VGLL4: variants seen among roughly 807,000 people sequenced by gnomAD.
VGLL4 encodes transcription cofactor vestigial-like protein 4.
Under a neutral mutation model 21.0 loss-of-function variants are expected in VGLL4, and 7 were observed. The ratio of observed to expected loss-of-function variants is 0.33; its 90% CI spans 0.19 to 0.63. VGLL4 has a LOEUF of 0.63. Ranked by LOEUF, VGLL4 falls within the 20% of genes least tolerant of loss-of-function variation. The probability of loss-of-function intolerance (pLI) is 0.78; values close to 1 mark genes in which losing one functional copy is unlikely to be tolerated. For synonymous variants in VGLL4, 222 were observed against 173.2 expected (o/e 1.28, Z -2.21); for missense variants, 394 against 425.7 (o/e 0.93, Z 0.66).
At chr3:11,582,402 T>C (rs970849952) in intron 2 of VGLL4, 3 of 1,546,012 alleles carry the variant, frequency 1.9e-6, no homozygotes, top group Non-Finnish European at 2.6e-6. Flanking sequence ...GGGCGGGCGC[T>C]TGTCAGAATA....
At chr3:11,616,155 C>G (rs2075158645) in intron 1 of VGLL4, among the ~76,000 whole-genome samples, 1 of 152,140 alleles carries the variant, frequency 6.6e-6, no homozygotes, top group South Asian at 2.1e-4. Flanking sequence ...CCCCGCCCCT[C>G]AGACTCCACT....
chr3:11,601,245 T>C (rs915578226), intron 2 of VGLL4, among the ~76,000 whole-genome samples: 1 of 152,212 alleles, frequency 6.6e-6, no homozygotes, highest in Non-Finnish European at 1.5e-5. Context: ...ACAGTGTCAG[T>C]GGCAGATCAA....
At chr3:11,665,108 T>C (rs79634429) in intron 2 of VGLL4, among the ~76,000 whole-genome samples, 3,036 of 118,544 alleles carry the variant, frequency 0.026, 205 homozygotes, top group African/African-American at 0.078. Flanking sequence ...TTTCTTTTTT[T>C]TTTTTTTTTT....
chr3:11,719,990 G>A lies in VGLL4; in HGVS notation c.-14+404C>T, dbSNP rs1415597838. ...AGGCCCCGCCAGGGGACACAGCGCC[G>A]TGCAAATGTACAAACACAAACGCAC... On this transcript the variant is annotated intron_variant, in intron 1 of 5. Transcript: ENST00000273038. This position sits in a 1 kb window ranked among gnomAD's most constrained non-coding sequence, Gnocchi z 4.0. Among the ~76,000 whole-genome samples, 2 of 152,060 alleles carry A rather than the reference G, an allele frequency of 1.3e-5. No homozygotes were observed. Among genetic ancestry groups the A allele is most frequent in the Non-Finnish European group, 2.9e-5 (2 of 67,994 alleles).
chr3:11,640,833 A>G (rs956137218), intron 1 of VGLL4, among the ~76,000 whole-genome samples: 3 of 152,178 alleles, frequency 2.0e-5, no homozygotes, highest in African/African-American at 7.2e-5. Flanking sequence ...GAAAGACAGT[A>G]CAGGCTGAGT....
rs193038224 is a variant in VGLL4, at chr3:11,628,688, C to G, written c.82+14749G>C. ...ACAAACATTTAGCCGGGCGTGGTGG[C>G]GGGCGCCTGTAATCCCAGCTATTCT... On this transcript the variant is annotated intron_variant, in intron 1 of 4. Transcript: ENST00000430365. Among the ~76,000 whole-genome samples, 33 of 152,154 alleles carry G rather than the reference C, an allele frequency of 2.2e-4. No homozygotes were observed. The East Asian group carries it at 6.0e-3, about 28-fold the overall frequency.
chr3:11,576,772 C>A (rs978917106), intron 2 of VGLL4, among the ~76,000 whole-genome samples: 7 of 152,220 alleles, frequency 4.6e-5, no homozygotes, highest in African/African-American at 1.7e-4. Flanking sequence ...CTTTCCTGTG[C>A]TGGAAAAGTG....
At chr3:11,667,522 T>C (rs1247639818) in intron 2 of VGLL4, among the ~76,000 whole-genome samples, 3 of 152,228 alleles carry the variant, frequency 2.0e-5, no homozygotes, top group African/African-American at 7.2e-5. Flanking sequence ...ATCTTACCTA[T>C]TAGGCTATAT....
chr3:11,594,399 T>C (rs2074582791), intron 2 of VGLL4, among the ~76,000 whole-genome samples: 1 of 152,224 alleles, frequency 6.6e-6, no homozygotes, highest in Non-Finnish European at 1.5e-5. Flanking sequence ...AGGGTCACAA[T>C]TATTGTGAGA....
chr3:11,623,816 T>G (rs1479640872), intron 1 of VGLL4, among the ~76,000 whole-genome samples: 5 of 151,838 alleles, frequency 3.3e-5, no homozygotes, highest in Non-Finnish European at 5.9e-5. Flanking sequence ...TCATAATTCA[T>G]TGCAGCCTCA....
intron 2 of VGLL4, chr3:11,671,254 A>G (rs1210630297): frequency 6.4e-7 from 1 of 1,561,606 alleles, no homozygotes; most frequent in Non-Finnish European, 8.6e-7. Context: ...TCAAAAGAAC[A>G]TTTTTACCAT....
intron 1 of VGLL4, among the ~76,000 whole-genome samples, chr3:11,615,823 C>A (rs569395759): frequency 6.6e-6 from 1 of 152,256 alleles, no homozygotes; most frequent in East Asian, 1.9e-4. Flanking sequence ...GAAAGAAAGA[C>A]AGACAATACA....
rs189973832 is a variant in VGLL4 at position 11,566,128 on chromosome 3, G to A, written c.273-1109C>T. 1.4e-3 allele frequency among the ~76,000 whole-genome samples: 218 copies of A among 152,254 alleles called. 1 individual carries two copies. The highest frequency in any genetic ancestry group is 4.8e-3 in the African/African-American group (200 of 41,556). On this transcript the variant is annotated intron_variant, in intron 2 of 4. Transcript: ENST00000430365. ...AAGCAGCAGCCACAGCCCCCGTCCC[G>A]GACTGGCTGAATATGTTACACACAC... is the stretch of plus-strand genomic sequence containing the variant.
intron 1 of VGLL4, among the ~76,000 whole-genome samples, chr3:11,609,310 CT>C (rs1039504585): frequency 2.0e-5 from 3 of 152,162 alleles, no homozygotes; most frequent in Non-Finnish European, 4.4e-5. Context: ...TCAAGAAATA[CT>C]TTCCAAACTT....
At chr3:11,665,101 C>CTTTTCTTTT (rs2076097523) in intron 2 of VGLL4, among the ~76,000 whole-genome samples, 2 of 96,950 alleles carry the variant, frequency 2.1e-5, no homozygotes, top group African/African-American at 9.8e-5. Flanking sequence ...GAATATTTTT[C>CTTTTCTTTT]TTTTTTTTTT....
At chr3:11,663,418 T>C (rs541463101) in intron 2 of VGLL4, among the ~76,000 whole-genome samples, 1 of 152,294 alleles carries the variant, frequency 6.6e-6, no homozygotes, top group East Asian at 1.9e-4. Context: ...AACTGCAACA[T>C]TTAACTGTAA....
intron 1 of VGLL4, among the ~76,000 whole-genome samples, chr3:11,706,469 A>C (rs2076762462): frequency 6.6e-6 from 1 of 152,216 alleles, no homozygotes; most frequent in Non-Finnish European, 1.5e-5. Flanking sequence ...GACAGGCAAA[A>C]TCAAAAAGAG....
At chr3:11,652,861 G>T (rs536935931) in intron 2 of VGLL4, among the ~76,000 whole-genome samples, 2 of 152,250 alleles carry the variant, frequency 1.3e-5, no homozygotes, top group East Asian at 3.9e-4. Flanking sequence ...ATATTTTCTT[G>T]CATGTTTACA....
chr3:11,711,551 C>A (rs552495948), intron 1 of VGLL4, among the ~76,000 whole-genome samples: 3 of 145,276 alleles, frequency 2.1e-5, no homozygotes, highest in Admixed American at 2.1e-4. Flanking sequence ...TGGGCTCCAT[C>A]TCAAAAAAAA....
Sources: allele counts gnomAD v4.1 joint callset (sites outside exome capture counted in the v4.1 genomes callset), GRCh38; gene constraint gnomAD v4.1.1; non-coding constraint Gnocchi (gnomAD v3.1); transcripts MANE v1.5; gene names NCBI Gene and HGNC (gene_info 2026-07-23, HGNC 2026-07-21).